The following C10orf90 variants were observed in gnomAD, a reference collection of about 807,000 sequenced individuals.
C10orf90 encodes the protein chromosome 10 open reading frame 90, also known as (E2-independent) E3 ubiquitin-conjugating enzyme FATS.
In C10orf90, 56 loss-of-function variants were observed where a neutral mutation model predicts 62.5. The observed-to-expected ratio is 0.90, with a 90% CI of 0.72 to 1.12. The LOEUF (loss-of-function observed/expected upper bound fraction) is 1.12, where lower values mean the gene tolerates loss of function less well. C10orf90 is among the 50% of genes most tolerant of loss of function. C10orf90 has a pLI of 0.00. For synonymous variants in C10orf90, 386 were observed against 340.4 expected (o/e 1.13, Z -1.47); for missense variants, 970 against 880.4 (o/e 1.10, Z -1.29).
intron 4 of C10orf90, among the ~76,000 whole-genome samples, chr10:126,468,675 A>C (rs895222394): frequency 2.2e-4 from 34 of 152,216 alleles, no homozygotes; most frequent in African/African-American, 8.2e-4. Flanking sequence ...AAGTTGAAGC[A>C]GGACATTCTG....
chr10:126,591,784 C>T (rs560131323), intron 2 of C10orf90, among the ~76,000 whole-genome samples: 17 of 152,040 alleles, frequency 1.1e-4, no homozygotes, highest in African/African-American at 3.1e-4. Context: ...GATATGATCC[C>T]GTATCTAGAA....
At chr10:126,589,201 G>T (rs768050692) in intron 2 of C10orf90, among the ~76,000 whole-genome samples, 1 of 152,170 alleles carries the variant, frequency 6.6e-6, no homozygotes, top group Non-Finnish European at 1.5e-5. Context: ...AGAAATATGG[G>T]ATTATGTAAA....
chr10:126,503,899 G>A (rs1331270909), intron 4 of C10orf90, 58 bp downstream of exon 4: 1 of 1,536,708 alleles, frequency 6.5e-7, no homozygotes, highest in Non-Finnish European at 8.7e-7. Flanking sequence ...TCACTCAACA[G>A]TCACCTTGCT....
At chr10:126,561,637 A>C (rs989818331) in intron 2 of C10orf90, among the ~76,000 whole-genome samples, 4 of 152,152 alleles carry the variant, frequency 2.6e-5, no homozygotes, top group Non-Finnish European at 4.4e-5. Flanking sequence ...TTTGGATGTG[A>C]CTGAGAAATG....
chr10:126,569,930 A>C (rs1346804109), intron 2 of C10orf90, among the ~76,000 whole-genome samples: 1 of 152,206 alleles, frequency 6.6e-6, no homozygotes, highest in Non-Finnish European at 1.5e-5. Flanking sequence ...AGAAAAGAAA[A>C]GAAAAACAAT....
chr10:126,648,565 C>A (rs779199441), intron 1 of C10orf90, among the ~76,000 whole-genome samples: 1 of 152,142 alleles, frequency 6.6e-6, no homozygotes, highest in Admixed American at 6.5e-5. Flanking sequence ...TTAGCGTAGA[C>A]GCGCCATGGG....
chr10:126,640,917 T>C (rs1846046838), intron 2 of C10orf90, among the ~76,000 whole-genome samples: 1 of 152,216 alleles, frequency 6.6e-6, no homozygotes, highest in Non-Finnish European at 1.5e-5. Context: ...GATACTCTTA[T>C]AAATTGTTGA....
intron 1 of C10orf90, among the ~76,000 whole-genome samples, chr10:126,650,364 T>C (rs1267967550): frequency 6.6e-6 from 1 of 152,202 alleles, no homozygotes; most frequent in Admixed American, 6.5e-5. Flanking sequence ...TCACCTCTGT[T>C]CCCAGTGACT....
At position 126,576,681 on chromosome 10, in the gene C10orf90, A is replaced by G. The variant is rs189443388; in HGVS notation, c.314-62742T>C. On this transcript the variant is annotated intron_variant, in intron 2 of 9. Coordinates refer to ENST00000488181, the MANE Select transcript of C10orf90 (RefSeq NM_001350921.2). The stretch of plus-strand genomic sequence containing the variant: ...TATGTATACATATATATGTATACAT[A>G]TACATATACATGTATATGTATATGT... 2.1e-3 allele frequency among the ~76,000 whole-genome samples: 178 copies of G among 85,094 alleles called. 5 individuals carry two copies. The highest frequency in any genetic ancestry group is 0.01 in the African/African-American group (172 of 16,632). The allele number at this position is 85,094 out of a possible 152,430, so 55.8% of individuals were successfully genotyped here. A position where few individuals can be genotyped will look rare whatever the true frequency, so the allele number is the denominator to read the frequency against.
intron 2 of C10orf90, among the ~76,000 whole-genome samples, chr10:126,595,184 T>G (rs2134033205): frequency 6.6e-6 from 1 of 152,290 alleles, no homozygotes; most frequent in South Asian, 2.1e-4. Flanking sequence ...TTAACAGTTA[T>G]TAGCTAGTTT....
intron 7 of C10orf90, among the ~76,000 whole-genome samples, chr10:126,457,735 G>A (rs1859675191): frequency 6.6e-6 from 1 of 152,182 alleles, no homozygotes; most frequent in Non-Finnish European, 1.5e-5. Flanking sequence ...TGGAGGCACT[G>A]AAGGCCCCAG....
intron 7 of C10orf90, among the ~76,000 whole-genome samples, chr10:126,447,352 G>A (rs555553992): frequency 3.9e-5 from 6 of 151,964 alleles, no homozygotes; most frequent in South Asian, 2.1e-4. Flanking sequence ...GGATATTCCC[G>A]ATAAAAGAAA....
At chr10:126,523,432 C>CA (rs1863831851) in intron 2 of C10orf90, 1 of 152,136 alleles carries the variant, frequency 6.6e-6, no homozygotes, top group Non-Finnish European at 1.5e-5. Flanking sequence ...GCTGAGACAG[C>CA]AAAGATGCAG....
chr10:126,459,913 C>T (rs1168197123), intron 6 of C10orf90, among the ~76,000 whole-genome samples: 1 of 152,216 alleles, frequency 6.6e-6, no homozygotes, highest in African/African-American at 2.4e-5. Flanking sequence ...GGGCTAGGTG[C>T]TTGATGTGTA....
In C10orf90 at chr10:126,504,098, A is replaced by G. The variant is rs755377571; in HGVS notation, c.1393T>C (p.Leu465=). Residue 465 remains leucine, a synonymous_variant, in exon 4 of 10, where the codon TTG becomes CTG. Transcript: ENST00000488181. The surrounding 1 kb of genome is among the most constrained non-coding windows in gnomAD (Gnocchi z 4.1). ...GACPWSGSFP[L]ENTELANVGA... The stretch of plus-strand genomic sequence containing the variant: ...ACATTTGCCAATTCTGTGTTTTCCA[A>G]TGGAAAAGAACCACTCCAAGGACAA... The G allele has an allele frequency of 1.7e-5, 27 of 1,613,832 alleles. No homozygotes were observed. Among genetic ancestry groups the G allele is most frequent in the Middle Eastern group, 1.6e-4 (1 of 6,084 alleles).
intron 3 of C10orf90, 119 bp downstream of exon 3, chr10:126,513,729 A>T: frequency 1.5e-6 from 1 of 654,290 alleles, no homozygotes; most frequent in South Asian, 2.0e-5. Context: ...TGTTTGCTAC[A>T]TTAATTCAAT....
chr10:126,596,282 G>A (rs1845084201), intron 2 of C10orf90, among the ~76,000 whole-genome samples: 1 of 151,264 alleles, frequency 6.6e-6, no homozygotes. Flanking sequence ...CAGCCTGGGT[G>A]ACAGAGCAAA....
chr10:126,536,238 G>A (rs558792604), intron 2 of C10orf90, among the ~76,000 whole-genome samples: 2 of 152,252 alleles, frequency 1.3e-5, no homozygotes, highest in East Asian at 1.9e-4. Flanking sequence ...TTGAACTTGG[G>A]GAAGAGCCCA....
At chr10:126,643,336 G>A (rs1218909601) in intron 2 of C10orf90, among the ~76,000 whole-genome samples, 4 of 152,198 alleles carry the variant, frequency 2.6e-5, no homozygotes, top group Non-Finnish European at 5.9e-5. Flanking sequence ...CCTGCATGGG[G>A]ATGATGAAGA....
Sources: allele counts gnomAD v4.1 joint callset (sites outside exome capture counted in the v4.1 genomes callset), GRCh38; gene constraint gnomAD v4.1.1; non-coding constraint Gnocchi (gnomAD v3.1); transcripts MANE v1.5; gene names NCBI Gene and HGNC (gene_info 2026-07-23, HGNC 2026-07-21).